CCL26: variants seen among roughly 807,000 people sequenced by gnomAD.
CCL26 encodes C-C motif chemokine 26.
A neutral mutation model predicts 10.7 loss-of-function variants in CCL26; 10 were observed. That is an observed-to-expected ratio of 0.93 (90% CI 0.57 to 1.58). CCL26 has a LOEUF of 1.58. Among genes scored for constraint, CCL26 ranks in the 40% most tolerant of loss-of-function variants. The pLI is 0.00. For missense variants in CCL26, 116 were observed against 111.0 expected (o/e 1.05, Z -0.20); for synonymous variants, 43 against 41.4 (o/e 1.04, Z -0.15).
intron 1 of CCL26, among the ~76,000 whole-genome samples, chr7:75,780,026 A>AC (rs1400445806): frequency 1.3e-4 from 17 of 129,230 alleles, no homozygotes; most frequent in African/African-American, 4.6e-4. Flanking sequence ...GGGGGCAAGC[A>AC]CCCCCCACCC....
At chr7:75,787,893 A>C (rs1803236659) in intron 1 of CCL26, among the ~76,000 whole-genome samples, 2 of 151,846 alleles carry the variant, frequency 1.3e-5, no homozygotes, top group South Asian at 4.2e-4. Flanking sequence ...TAGTTTCTCA[A>C]TTCATACAGA....
intron 2 of CCL26, among the ~76,000 whole-genome samples, chr7:75,771,661 A>T (rs2115636707): frequency 6.6e-6 from 1 of 152,332 alleles, no homozygotes; most frequent in African/African-American, 2.4e-5. Context: ...GGTTGCAGTG[A>T]GCCAAGATCG....
rs532251849 is a variant in CCL26, at chr7:75,788,659, G to A, written c.-79+1058C>T. ...GAGAATCCCTTGAACTCGGGAGGTG[G>A]AGATTGCAGTGAGCCAAGATCACAC... On this transcript the variant is annotated intron_variant, in intron 1 of 3. Coordinates refer to the CCL26 transcript ENST00000394905. Among the ~76,000 whole-genome samples the A allele has an allele frequency of 4.6e-5, 7 of 151,480 alleles. No individual in the cohort carries two copies. The East Asian group carries it at 9.7e-4, about 21-fold the overall frequency.
At chr7:75,773,436 A>G (rs1331730400), upstream of CCL26, among the ~76,000 whole-genome samples, 1 of 151,668 alleles carries the variant, frequency 6.6e-6, no homozygotes, top group Non-Finnish European at 1.5e-5. Flanking sequence ...AAGAAAAAAA[A>G]ATAGAGATGA....
chr7:75,790,663 G>T (rs1057142187), upstream of CCL26, among the ~76,000 whole-genome samples: 1 of 152,106 alleles, frequency 6.6e-6, no homozygotes, highest in African/African-American at 2.4e-5. Context: ...AACATTTGAG[G>T]CTGGACATGG....
chr7:75,769,837 C>T, intron 2 of CCL26, 48 bp from the exon 3 acceptor site: 1 of 1,196,388 alleles, frequency 8.4e-7, no homozygotes. Context: ...TCTTTGCCTC[C>T]TGGGGTGGGA....
intron 1 of CCL26, among the ~76,000 whole-genome samples, chr7:75,785,752 G>T (rs184564125): frequency 6.6e-6 from 1 of 152,026 alleles, no homozygotes; most frequent in Non-Finnish European, 1.5e-5. Context: ...TCCTCTTTCC[G>T]TTCCTTGAAG....
At chr7:75,776,878 G>A (rs376304602), upstream of CCL26, among the ~76,000 whole-genome samples, 53 of 152,258 alleles carry the variant, frequency 3.5e-4, no homozygotes, top group Middle Eastern at 3.4e-3. Context: ...ATTTATTAAA[G>A]CCAAACATAT....
intron 1 of CCL26, among the ~76,000 whole-genome samples, chr7:75,778,856 G>GGA (rs1803000257): frequency 1.3e-5 from 2 of 151,932 alleles, no homozygotes; most frequent in Non-Finnish European, 2.9e-5. Flanking sequence ...GGTGGGGGGG[G>GGA]CAGATCACTA....
intron 1 of CCL26, among the ~76,000 whole-genome samples, chr7:75,788,721 G>A (rs1490093853): frequency 2.8e-5 from 4 of 145,360 alleles, no homozygotes; most frequent in African/African-American, 7.7e-5. Flanking sequence ...GCAAGACTCC[G>A]TCCAAAAAAA....
intron 1 of CCL26, among the ~76,000 whole-genome samples, chr7:75,784,484 C>T (rs1273861779): frequency 6.6e-6 from 1 of 152,142 alleles, no homozygotes; most frequent in African/African-American, 2.4e-5. Flanking sequence ...TAAGTCGTCC[C>T]CTTCTTAATC....
Position 75,771,152 on chromosome 7 carries a change from A to C in CCL26, c.188+737T>G, listed in dbSNP as rs557998786. 3.3e-5 allele frequency among the ~76,000 whole-genome samples: 5 copies of C among 152,168 alleles called. No individual in the cohort carries two copies. In the South Asian group the frequency reaches 1.0e-3, roughly 32 times the overall value. On this transcript the variant is annotated intron_variant, in intron 2 of 2. Coordinates refer to ENST00000005180, the MANE Select transcript of CCL26 (RefSeq NM_001371938.1). ...CAGGCTGGAGTGCAGTGGTGCGATC[A>C]TACCTCACTGCAGCCTTGAACTCCT...
At position 75,783,099 on chromosome 7, in the gene CCL26, G is replaced by A. The variant is rs1393923818; in HGVS notation, c.-79+6618C>T. ...ACAATTTCCTCTTAGAGAGGTGGTT[G>A]GAGCTGAAGACATAGTCAGGGTACA... On this transcript the variant is annotated intron_variant, in intron 1 of 3. Transcript: ENST00000394905. Among the ~76,000 whole-genome samples the A allele has an allele frequency of 7.9e-5, 12 of 152,160 alleles. 1 individual carries two copies. Among genetic ancestry groups the A allele is most frequent in the African/African-American group, 2.4e-4 (10 of 41,434 alleles).
upstream of CCL26, among the ~76,000 whole-genome samples, chr7:75,775,132 A>G (rs1382224291): frequency 6.6e-6 from 1 of 151,098 alleles, no homozygotes; most frequent in African/African-American, 2.4e-5. Context: ...AGGCAGGAGT[A>G]TTGCTTGAAC....
intron 1 of CCL26, among the ~76,000 whole-genome samples, chr7:75,788,557 G>A (rs1033874088): frequency 1.2e-4 from 18 of 151,930 alleles, no homozygotes; most frequent in African/African-American, 9.7e-5. Flanking sequence ...ACATGGACGC[G>A]AGTGAAACCC....
intron 1 of CCL26, among the ~76,000 whole-genome samples, chr7:75,783,955 A>AT (rs1413363537): frequency 6.6e-6 from 1 of 152,196 alleles, no homozygotes; most frequent in Non-Finnish European, 1.5e-5. Flanking sequence ...TGCTCCTGAC[A>AT]TTAAATAAAG....
At chr7:75,785,470 C>T (rs1803164066) in intron 1 of CCL26, among the ~76,000 whole-genome samples, 1 of 152,178 alleles carries the variant, frequency 6.6e-6, no homozygotes, top group African/African-American at 2.4e-5. Context: ...CAAAGGATAT[C>T]AGGTATCCCC....
chr7:75,775,233 C>A (rs7783747), upstream of CCL26, among the ~76,000 whole-genome samples: 113,362 of 151,268 alleles, frequency 0.75, 42,853 homozygotes, highest in African/African-American at 0.86. Flanking sequence ...GGAAAAAAAA[C>A]AAATTCTTTT....
chr7:75,784,231 G>A (rs1803131284), intron 1 of CCL26, among the ~76,000 whole-genome samples: 2 of 152,178 alleles, frequency 1.3e-5, no homozygotes, highest in Non-Finnish European at 2.9e-5. Flanking sequence ...CTGGGCCAAG[G>A]AATGCCCACA....
Sources: allele counts gnomAD v4.1 joint callset (sites outside exome capture counted in the v4.1 genomes callset), GRCh38; gene constraint gnomAD v4.1.1; transcripts MANE v1.5; gene names NCBI Gene and HGNC (gene_info 2026-07-23, HGNC 2026-07-21).